The following ISLR2 variants were observed in gnomAD, a reference collection of about 807,000 sequenced individuals.
ISLR2 encodes the protein immunoglobulin superfamily containing leucine-rich repeat protein 2.
A neutral mutation model predicts 25.5 loss-of-function variants in ISLR2; 16 were observed. The observed-to-expected ratio is 0.63, with a 90% confidence interval of 0.43 to 0.95. The LOEUF is 0.95. Ranked by LOEUF, ISLR2 falls within the 40% of genes least tolerant of loss-of-function variation. The pLI, the probability that ISLR2 is intolerant of heterozygous loss-of-function variation, is 0.00. For missense variants in ISLR2, 883 were observed against 1,030.7 expected (o/e 0.86, Z 1.96); for synonymous variants, 508 against 486.6 (o/e 1.04, Z -0.58).
upstream of ISLR2, among the ~76,000 whole-genome samples, chr15:74,124,834 C>A (rs1223796851): frequency 1.3e-5 from 2 of 152,162 alleles, no homozygotes; most frequent in Non-Finnish European, 2.9e-5. Context: ...GACACCAAGG[C>A]ACCAAGGGAC....
At chr15:74,128,604 C>T (rs962509079), upstream of ISLR2, 8 of 456,596 alleles carry the variant, frequency 1.8e-5, no homozygotes, top group African/African-American at 1.2e-4. Context: ...TTCTCCCTTC[C>T]ATTACCCAGA....
chr15:74,127,790 C>A (rs2072318335), upstream of ISLR2: 1 of 152,394 alleles, frequency 6.6e-6, no homozygotes, highest in South Asian at 2.1e-4. Context: ...CCGGTTTCAA[C>A]CCTCCCCACC....
chr15:74,127,786 T>TCAACCCTCC (rs1199620132), upstream of ISLR2: 10 of 152,512 alleles, frequency 6.6e-5, no homozygotes, highest in Admixed American at 2.6e-4. Context: ...CCAACCGGTT[T>TCAACCCTCC]CAACCCTCCC....
At chr15:74,114,437 A>G (rs1285344818) in intron 2 of ISLR2, among the ~76,000 whole-genome samples, 1 of 152,204 alleles carries the variant, frequency 6.6e-6, no homozygotes, top group Admixed American at 6.5e-5. Context: ...ACAGGAAAAA[A>G]TGTTTAACTT....
At position 74,132,705 on chromosome 15, in the gene ISLR2, G is replaced by T; in HGVS notation, c.-8-42G>T. The T allele has an allele frequency of 6.3e-7, 1 of 1,580,240 alleles. No homozygotes were observed. The highest frequency in any genetic ancestry group is 8.6e-7 in the Non-Finnish European group (1 of 1,160,746). On this transcript the variant is annotated intron_variant, in intron 2 of 2. Transcript: ENST00000453268. The surrounding 1 kb of genome is among the most constrained non-coding windows in gnomAD (Gnocchi z 4.3). ...GATAGGGGAGGTAAGCTGGGGTTCA[G>T]TGAGTCACCTTCTTTCTTCTTCACC...
intron 2 of ISLR2, among the ~76,000 whole-genome samples, chr15:74,120,859 C>T (rs189841975): frequency 6.6e-6 from 1 of 152,300 alleles, no homozygotes; most frequent in Admixed American, 6.5e-5. Context: ...ATACACCCAG[C>T]ACCCTAGACC....
chr15:74,141,825 C>A (rs1291069638), downstream of ISLR2, among the ~76,000 whole-genome samples: 3 of 152,168 alleles, frequency 2.0e-5, no homozygotes, highest in Non-Finnish European at 2.9e-5. Flanking sequence ...AGCCAAACCT[C>A]CTCCTGAAGC....
chr15:74,116,504 T>A (rs1370782404), intron 2 of ISLR2, among the ~76,000 whole-genome samples: 7 of 152,082 alleles, frequency 4.6e-5, no homozygotes, highest in Admixed American at 3.3e-4. Flanking sequence ...AGGCCTGCAC[T>A]CTTGAGAAGT....
chr15:74,127,964 AG>A (rs2072321077), upstream of ISLR2: 1 of 164,924 alleles, frequency 6.1e-6, no homozygotes. Context: ...CCTCTGCGCT[AG>A]CGGCTTGGAA....
downstream of ISLR2, among the ~76,000 whole-genome samples, chr15:74,139,863 AGTGTGTGTGTGTGT>A (rs10579764): frequency 0.016 from 2,008 of 128,112 alleles, 53 homozygotes; most frequent in African/African-American, 0.056. Flanking sequence ...CGGCTTGAGG[AGTGTGTGTGTGTGT>A]GTGTGTGTGT....
At chr15:74,121,849 G>A (rs2072254434) in intron 2 of ISLR2, among the ~76,000 whole-genome samples, 1 of 152,210 alleles carries the variant, frequency 6.6e-6, no homozygotes, top group East Asian at 1.9e-4. Flanking sequence ...GCTGCCTGAT[G>A]AGATGCCCTC....
rs1395236263 is a variant in ISLR2 at position 74,136,709 on chromosome 15, A to C, written c.*1717A>C. 6.0e-6 allele frequency: 1 copy of C among 167,040 alleles called. No individual in the cohort carries two copies. Among genetic ancestry groups the C allele is most frequent in the Non-Finnish European group, 1.5e-5 (1 of 68,208 alleles). 10.3% of individuals were successfully genotyped at this position (167,040 alleles called of 1,614,324 possible). A position where few individuals can be genotyped will look rare whatever the true frequency, so the allele number is the denominator to read the frequency against. Reference sequence around the variant, plus strand: ...GGGATCAGCCCTCTCCGCGAAGCGCAGCACAAGCGCGGGCCTGGGACGGAG... The same window carrying C: ...GGGATCAGCCCTCTCCGCGAAGCGCCGCACAAGCGCGGGCCTGGGACGGAG... On this transcript the variant is annotated 3_prime_UTR_variant, in exon 3 of 3. Coordinates refer to ENST00000453268, the MANE Select transcript of ISLR2 (RefSeq NM_020851.3).
At chr15:74,138,764 C>T (rs2072594964), downstream of ISLR2, among the ~76,000 whole-genome samples, 2 of 152,214 alleles carry the variant, frequency 1.3e-5, no homozygotes, top group East Asian at 1.9e-4. Flanking sequence ...CTGCAGTCCA[C>T]CCCACTGCCT....
upstream of ISLR2, chr15:74,127,181 C>T (rs928879775): frequency 4.8e-4 from 73 of 152,168 alleles, no homozygotes; most frequent in African/African-American, 1.7e-3. Flanking sequence ...AAGTACAACT[C>T]TGAGTGCAGT....
At position 74,135,891 on chromosome 15, in the gene ISLR2, C is replaced by T. The variant is rs1315392345; in HGVS notation, c.*899C>T. On this transcript the variant is annotated 3_prime_UTR_variant, in exon 3 of 3. Coordinates refer to ENST00000453268, the MANE Select transcript of ISLR2 (RefSeq NM_020851.3). Reference sequence around the variant, plus strand: ...CCAAAGCCTCCTGCCGGCAGGGAACCAAATCCTTCTGTCCTCCCACCCCCA... The same window carrying T: ...CCAAAGCCTCCTGCCGGCAGGGAACTAAATCCTTCTGTCCTCCCACCCCCA... 6.0e-6 allele frequency: 1 copy of T among 167,102 alleles called. No individual in the cohort carries two copies. The highest frequency in any genetic ancestry group is 2.4e-5 in the African/African-American group (1 of 41,410). 10.4% of individuals were successfully genotyped at this position (167,102 alleles called of 1,614,324 possible).
chr15:74,135,063 G>A lies in ISLR2; in HGVS notation c.*71G>A, dbSNP rs1595951610. On this transcript the variant is annotated 3_prime_UTR_variant, in exon 3 of 3. Coordinates refer to ENST00000453268, the MANE Select transcript of ISLR2 (RefSeq NM_020851.3). ...GCCTGGGAGCAGCAGTCTAGGGCTG[G>A]CAGGACTTATGTCCCCCGTCCCCAA... is the stretch of plus-strand genomic sequence containing the variant. 3.9e-6 allele frequency: 6 copies of A among 1,545,352 alleles called. No homozygotes were observed. In the East Asian group the frequency reaches 1.4e-4, roughly 35 times the overall value.
intron 2 of ISLR2, among the ~76,000 whole-genome samples, chr15:74,111,408 G>A (rs1321676887): frequency 1.3e-5 from 2 of 151,976 alleles, no homozygotes; most frequent in African/African-American, 4.8e-5. Flanking sequence ...TTGTGCCTCA[G>A]CCTCCCGAGT....
At chr15:74,129,889 C>G (rs2072368253), upstream of ISLR2, 1 of 152,314 alleles carries the variant, frequency 6.6e-6, no homozygotes, top group Non-Finnish European at 1.5e-5. This position sits in a 1 kb window ranked among gnomAD's most constrained non-coding sequence, Gnocchi z 4.5. Context: ...GAGTAGCGGA[C>G]GTTTTGCCAC....
intron 2 of ISLR2, among the ~76,000 whole-genome samples, chr15:74,110,667 A>G (rs2072158373): frequency 6.6e-6 from 1 of 151,854 alleles, no homozygotes; most frequent in Admixed American, 6.6e-5. Context: ...AAAAAAAAAA[A>G]AAAAAAAGGC....
Sources: gnomAD v4.1 joint callset for allele counts (sites outside exome capture counted in the v4.1 genomes callset) on GRCh38, gnomAD v4.1.1 for gene constraint, Gnocchi (gnomAD v3.1) non-coding constraint, MANE v1.5 for transcripts, NCBI Gene and HGNC (gene_info 2026-07-23, HGNC 2026-07-21) for gene names.